POLQ: variants seen among roughly 807,000 people sequenced by gnomAD.
POLQ encodes the protein DNA polymerase theta.
POLQ carries 233 observed loss-of-function variants against 259.2 expected under a neutral mutation model. That is an observed-to-expected ratio of 0.90 (90% CI 0.81 to 1.00). The LOEUF (loss-of-function observed/expected upper bound fraction) is 1.00. Ranked by LOEUF, POLQ falls within the 50% of genes least tolerant of loss-of-function variation. The probability of loss-of-function intolerance (pLI) is 0.00; values close to 1 mark genes in which losing one functional copy is unlikely to be tolerated. For synonymous variants in POLQ, 1,025 were observed against 1,048.8 expected, an observed-to-expected ratio of 0.98 and a Z score of 0.44; for missense variants, 2,871 against 3,051.6, an observed-to-expected ratio of 0.94 and a Z score of 1.39.
intron 12 of POLQ, among the ~76,000 whole-genome samples, chr3:121,505,374 G>A (rs1560102139): frequency 6.6e-6 from 1 of 152,130 alleles, no homozygotes; most frequent in African/African-American, 2.4e-5. Flanking sequence ...GACTAATACA[G>A]TAAGCCAAAA....
Position 121,449,366 on chromosome 3 carries a change from T to A in POLQ, c.7213A>T (p.Lys2405Ter), listed in dbSNP as rs747795445. 6.2e-7 allele frequency: 1 copy of A among 1,608,280 alleles called. No homozygotes were observed. The highest frequency in any genetic ancestry group is 1.1e-5 in the South Asian group (1 of 90,966). Residue 2405 changes from lysine to a stop codon, truncating the protein, a stop_gained, in exon 26 of 30, where the codon AAA becomes TAA. Transcript: ENST00000264233. LOFTEE classifies it high-confidence loss of function. The part of the protein sequence containing the change: ...AKSLGEQMGI[K>*]ENDAACYIDS... ...ATATAGCATGCAGCATCATTTTCTT[T>A]AATGCCCATCTGCTCTCCCAAAGAT...
At chr3:121,453,054 C>G (rs961619748) in intron 25 of POLQ, among the ~76,000 whole-genome samples, 1 of 152,208 alleles carries the variant, frequency 6.6e-6, no homozygotes, top group Non-Finnish European at 1.5e-5. Context: ...TCCAGAGGAA[C>G]GATCAGACAG....
chr3:121,442,843 ATTTTTAG>A (rs959609041), intron 26 of POLQ, among the ~76,000 whole-genome samples: 2 of 151,652 alleles, frequency 1.3e-5, no homozygotes, highest in Non-Finnish European at 2.9e-5. Flanking sequence ...TGATAGCTCT[ATTTTTAG>A]TTTTTTGTTT....
chr3:121,446,594 T>G (rs964829282), intron 26 of POLQ, among the ~76,000 whole-genome samples: 2 of 152,292 alleles, frequency 1.3e-5, no homozygotes, highest in Middle Eastern at 6.8e-3. Context: ...GATATTTGCT[T>G]TATATGTCCA....
chr3:121,484,746 T>C (rs1447059495), intron 17 of POLQ, among the ~76,000 whole-genome samples: 3 of 151,766 alleles, frequency 2.0e-5, no homozygotes, highest in Admixed American at 2.0e-4. Flanking sequence ...ACTAAAAAAA[T>C]ACAAAATTAG....
At position 121,490,373 on chromosome 3, in the gene POLQ, A is replaced by C. The variant is rs766873197; in HGVS notation, c.2558T>G (p.Val853Gly). 1 of 1,614,118 alleles carries C rather than the reference A, an allele frequency of 6.2e-7. No individual in the cohort carries two copies. Among genetic ancestry groups the C allele is most frequent in the Non-Finnish European group, 8.5e-7 (1 of 1,180,048 alleles). The change falls in exon 16 of 30, where the codon GTT becomes GGT. Residue 853 changes from valine (V) to glycine (G), a missense_variant. Val to Gly is a moderately radical substitution (Grantham distance 109, BLOSUM62 -3). Around this residue, in one of 3 missense-constraint regions of POLQ, gnomAD observed 2,080 missense variants for 2,126.0 expected, o/e 0.98. Transcript: ENST00000264233. ...RKAVDEEEEAVEERRNMRTIW... is the reference protein window; with the variant it reads ...RKAVDEEEEAGEERRNMRTIW... ...AGTTCGCATATTGCGACGTTCTTCA[A>C]CTGCTTCCTCTTCCTCATCCACTGC...
chr3:121,545,649 A>G (rs1576432381), intron 1 of POLQ, 66 bp downstream of exon 1: 1 of 1,437,308 alleles, frequency 7.0e-7, no homozygotes, highest in Non-Finnish European at 9.3e-7. Context: ...GGGTGAGGAC[A>G]CCTCCCGACC....
At position 121,498,778 on chromosome 3, in the gene POLQ, G is replaced by A. The variant is rs540387680; in HGVS notation, c.1960-108C>T. On this transcript the variant is annotated intron_variant, in intron 12 of 29. Transcript: ENST00000264233. ...AAGCCAGGCATGATGGTATGTGCCT[G>A]TAGTCCTAGCTACTCAGAAGGCTGA... The A allele has an allele frequency of 3.3e-5, 25 of 767,792 alleles. No homozygotes were observed. In the East Asian group the frequency reaches 6.5e-4, roughly 20 times the overall value. The allele number at this position is 767,792 out of a possible 1,614,324, so 47.6% of individuals were successfully genotyped here.
chr3:121,460,225 A>G lies in POLQ; in HGVS notation c.6977T>C (p.Ile2326Thr). ...AAGCTGAGAGTAGTCAGCAGCCAGTATTGAACCACCTGAAGTAGAAGTGAT... is the reference window on the plus strand; with the variant it reads ...AAGCTGAGAGTAGTCAGCAGCCAGTGTTGAACCACCTGAAGTAGAAGTGAT... ...HAFVPFPGGS[I>T]LAADYSQLEL... Residue 2326 changes from isoleucine (I) to threonine (T), a missense_variant, in exon 25 of 30, where the codon ATA becomes ACA. This residue lies in a region of POLQ where 2,080 missense variants were observed against 2,126.0 expected (regional missense o/e 0.98). Transcript: ENST00000264233. 6.2e-7 allele frequency: 1 copy of G among 1,611,776 alleles called. No homozygotes were observed. Among genetic ancestry groups the G allele is most frequent in the Non-Finnish European group, 8.5e-7 (1 of 1,177,840 alleles).
rs2047499658 is a variant in POLQ, at chr3:121,432,249, T to C, written c.*55A>G. 2.6e-6 allele frequency: 4 copies of C among 1,518,578 alleles called. No homozygotes were observed. The highest frequency in any genetic ancestry group is 1.3e-5 in the South Asian group (1 of 76,674). 94.1% of individuals were successfully genotyped at this position (1,518,578 alleles called of 1,614,324 possible). A position where few individuals can be genotyped will look rare whatever the true frequency, so the allele number is the denominator to read the frequency against. ...AGGTGAAAGGGTAATCTCTGTTCTT[T>C]CCAGGTGACTGCATCTGCACAGGCT... is the stretch of plus-strand genomic sequence containing the variant. On this transcript the variant is annotated 3_prime_UTR_variant, in exon 30 of 30. Coordinates refer to ENST00000264233, the MANE Select transcript of POLQ (RefSeq NM_199420.4).
At chr3:121,444,752 G>A (rs935779324) in intron 26 of POLQ, among the ~76,000 whole-genome samples, 1 of 152,132 alleles carries the variant, frequency 6.6e-6, no homozygotes, top group African/African-American at 2.4e-5. Context: ...CATACCCACA[G>A]CTTTTATTAT....
At position 121,489,261 on chromosome 3, in the gene POLQ, T is replaced by C; in HGVS notation, c.3670A>G (p.Ser1224Gly). 6.2e-7 allele frequency: 1 copy of C among 1,613,500 alleles called. No homozygotes were observed. Among genetic ancestry groups the C allele is most frequent in the Non-Finnish European group, 8.5e-7 (1 of 1,179,622 alleles). ...TTTGAGTCTCTATTTATGTAACTAC[T>C]GACTGCTTCACAGGGCATTTGTCTC... ...IERQMPCEAV[S>G]SYINRDSNVT... Residue 1224 changes from serine (S) to glycine (G), a missense_variant, in exon 16 of 30, where the codon AGT becomes GGT. Ser to Gly is a moderately conservative substitution (Grantham distance 56). This residue lies in a region of POLQ where 2,080 missense variants were observed against 2,126.0 expected (regional missense o/e 0.98). Coordinates refer to ENST00000264233, the MANE Select transcript of POLQ (RefSeq NM_199420.4).
chr3:121,493,549 A>G lies in POLQ; in HGVS notation c.2451T>C (p.Thr817=), dbSNP rs570221625. ...TATTTGCTCTAGCAAGGTCTGCCAC[A>G]GTATGAAAGCCAGAAGCATAGAGAA... ...ARVLYASGFH[T]VADLARANIV... is the part of the protein sequence containing the mutation. The change falls in exon 15 of 30, where the codon ACT becomes ACC. Residue 817 remains threonine, a synonymous_variant. Coordinates refer to ENST00000264233, the MANE Select transcript of POLQ (RefSeq NM_199420.4). 2 of 1,613,928 alleles carry G rather than the reference A, an allele frequency of 1.2e-6. No individual in the cohort carries two copies. Among genetic ancestry groups the G allele is most frequent in the South Asian group, 2.2e-5 (2 of 91,080 alleles).
At chr3:121,482,562 A>G (rs1019927720) in intron 18 of POLQ, among the ~76,000 whole-genome samples, 25 of 151,342 alleles carry the variant, frequency 1.7e-4, no homozygotes, top group African/African-American at 5.3e-4. Context: ...TACCATTAAA[A>G]GTTTATATCC....
At chr3:121,462,035 C>A (rs1248211102) in intron 24 of POLQ, among the ~76,000 whole-genome samples, 1 of 152,176 alleles carries the variant, frequency 6.6e-6, no homozygotes. Flanking sequence ...CTTTTGAGCA[C>A]CAACGAGATG....
At chr3:121,522,280 AGATCTTTTTTTTTTTTTT>A in intron 7 of POLQ, 131 bp from the exon 8 acceptor site, 1 of 126,592 alleles carries the variant, frequency 7.9e-6, no homozygotes, top group Non-Finnish European at 1.5e-5. Context: ...AATCCCCTGG[AGATCTTTTTTTTTTTTTT>A]TTTTTTTTTT....
chr3:121,432,435 G>T lies in POLQ; in HGVS notation c.7660-18C>A. The stretch of plus-strand genomic sequence containing the variant: ...TGAGCTACCTAAGGAAAAAAAAAAT[G>T]TAGTTAACAAACTGCCCAGTCAAAG... On this transcript the variant is annotated intron_variant, in intron 29 of 29. Transcript: ENST00000264233. The T allele has an allele frequency of 6.3e-7, 1 of 1,596,678 alleles. No homozygotes were observed. Among genetic ancestry groups the T allele is most frequent in the Non-Finnish European group, 8.5e-7 (1 of 1,173,944 alleles).
intron 11 of POLQ, 129 bp from the exon 12 acceptor site, chr3:121,509,832 A>G: frequency 3.1e-6 from 3 of 962,622 alleles, no homozygotes; most frequent in Non-Finnish European, 4.7e-6. Flanking sequence ...CCTTATCCAG[A>G]GCATGAAAAT....
intron 22 of POLQ, among the ~76,000 whole-genome samples, chr3:121,469,014 C>G (rs1225547334): frequency 6.6e-5 from 10 of 151,828 alleles, no homozygotes; most frequent in African/African-American, 2.4e-4. Flanking sequence ...AGTGAAACCC[C>G]GTCTCCACTA....
Sources: gnomAD v4.1 joint callset for allele counts (sites outside exome capture counted in the v4.1 genomes callset) on GRCh38, gnomAD v4.1.1 for gene constraint, gnomAD v4.1.1 regional missense constraint, MANE v1.5 for transcripts, NCBI Gene and HGNC (gene_info 2026-07-23, HGNC 2026-07-21) for gene names.